Variants in PROKR2 observed in about 807,000 individuals in gnomAD.
PROKR2 encodes the protein prokineticin receptor 2.
In PROKR2, 26 loss-of-function variants were observed where a neutral mutation model predicts 23.4. The ratio of observed to expected loss-of-function variants is 1.11; its 90% CI spans 0.81 to 1.54. The LOEUF (loss-of-function observed/expected upper bound fraction) is 1.54. PROKR2 is among the 40% of genes most tolerant of loss of function. PROKR2 has a pLI of 0.00. For missense variants in PROKR2, 453 were observed against 511.5 expected, an observed-to-expected ratio of 0.89 and a Z score of 1.10; for synonymous variants, 212 against 201.2, an observed-to-expected ratio of 1.05 and a Z score of -0.45.
intron 2 of PROKR2, among the ~76,000 whole-genome samples, chr20:5,309,931 A>G (rs985195228): frequency 1.3e-5 from 2 of 152,252 alleles, no homozygotes; most frequent in African/African-American, 4.8e-5. Context: ...TTGTCATCAA[A>G]TAAATCAGAA....
chr20:5,309,225 G>A (rs533183458), intron 2 of PROKR2, among the ~76,000 whole-genome samples: 3 of 152,298 alleles, frequency 2.0e-5, no homozygotes, highest in East Asian at 3.9e-4. Context: ...GTCTCCTATT[G>A]CTGCTTGTAA....
At position 5,302,324 on chromosome 20, in the gene PROKR2, AG is replaced by A; in HGVS notation, c.870del (p.Phe291SerfsTer16). On this transcript the variant is annotated frameshift_variant, in exon 3 of 3. Coordinates refer to ENST00000678254, the MANE Select transcript of PROKR2 (RefSeq NM_144773.4). LOFTEE classifies it high-confidence loss of function. ...TCACGAACGATGGTGAAACCGTAGA[AG>A]GGTGCCCAGCACAGCACATAGGCCG... Reference protein sequence around the residue: ...ILTAYVLCWAPFYGFTIVRDF... With the variant: ...ILTAYVLCWAXFYGFTIVRDF... 1.2e-6 allele frequency: 2 copies of A among 1,614,250 alleles called. No homozygotes were observed. The highest frequency in any genetic ancestry group is 1.7e-6 in the Non-Finnish European group (2 of 1,180,048).
At position 5,316,135 on chromosome 20, in the gene PROKR2, A is replaced by T. The variant is rs1368617652; in HGVS notation, c.-9+359T>A. 1 of 456,546 alleles carries T rather than the reference A, an allele frequency of 2.2e-6. No homozygotes were observed. Among genetic ancestry groups the T allele is most frequent in the East Asian group, 7.0e-5 (1 of 14,360 alleles). The allele number at this position is 456,546 out of a possible 1,614,324, so 28.3% of individuals were successfully genotyped here. A position where few individuals can be genotyped will look rare whatever the true frequency, so the allele number is the denominator to read the frequency against. On this transcript the variant is annotated intron_variant, in intron 1 of 2. Coordinates refer to ENST00000678254, the MANE Select transcript of PROKR2 (RefSeq NM_144773.4). This position sits in a 1 kb window ranked among gnomAD's most constrained non-coding sequence, Gnocchi z 5.0. ...GTGGGTGGAGGATGCGGTGCGCGGG[A>T]ATTTCCCCACGGACGCTTGCTGTTT...
chr20:5,313,296 C>T (rs963266216), intron 2 of PROKR2, among the ~76,000 whole-genome samples: 38 of 152,206 alleles, frequency 2.5e-4, no homozygotes, highest in Admixed American at 1.3e-4. Context: ...CAAAAGCAAG[C>T]GTGTCCTTTC....
At chr20:5,307,576 C>A (rs565595100) in intron 2 of PROKR2, among the ~76,000 whole-genome samples, 2 of 152,222 alleles carry the variant, frequency 1.3e-5, no homozygotes, top group Non-Finnish European at 2.9e-5. Flanking sequence ...TGCTGCGCAA[C>A]GAATCCTATG....
In PROKR2 at chr20:5,301,972, A is replaced by C; in HGVS notation, c.*68T>G. ...GATGTCATTTCCCATGCAGCCTATG[A>C]ACTTGGTTGATGGTGGGTGATGCTC... On this transcript the variant is annotated 3_prime_UTR_variant, in exon 3 of 3. Coordinates refer to ENST00000678254, the MANE Select transcript of PROKR2 (RefSeq NM_144773.4). 1 of 1,414,502 alleles carries C rather than the reference A, an allele frequency of 7.1e-7. No homozygotes were observed. Among genetic ancestry groups the C allele is most frequent in the Non-Finnish European group, 9.9e-7 (1 of 1,013,800 alleles). 87.6% of individuals were successfully genotyped at this position (1,414,502 alleles called of 1,614,324 possible).
intron 1 of PROKR2, among the ~76,000 whole-genome samples, chr20:5,315,434 C>G (rs916590444): frequency 6.6e-6 from 1 of 152,174 alleles, no homozygotes; most frequent in Non-Finnish European, 1.5e-5. Flanking sequence ...GGGTACAAGG[C>G]TTCACCGAGG....
chr20:5,302,204 CGGTGTT>C lies in PROKR2; in HGVS notation c.985_990del (p.Asn329_Thr330del). The C allele has an allele frequency of 6.2e-7, 1 of 1,614,200 alleles. No individual in the cohort carries two copies. The highest frequency in any genetic ancestry group is 1.1e-5 in the South Asian group (1 of 91,076). On this transcript the variant is annotated inframe_deletion, in exon 3 of 3. Coordinates refer to ENST00000678254, the MANE Select transcript of PROKR2 (RefSeq NM_144773.4). ...TTGTTCTTGACCGTCACGAAGCACACGGTGTTGATCATGCTGTTGCTCATGGCGATG... is the reference window on the plus strand; with the variant it reads ...TTGTTCTTGACCGTCACGAAGCACACGATCATGCTGTTGCTCATGGCGATG...
chr20:5,307,540 A>C (rs1223144205), intron 2 of PROKR2, among the ~76,000 whole-genome samples: 1 of 152,228 alleles, frequency 6.6e-6, no homozygotes, highest in African/African-American at 2.4e-5. Flanking sequence ...TTGTTTAGGA[A>C]GATTGCATTG....
intron 2 of PROKR2, among the ~76,000 whole-genome samples, chr20:5,313,322 A>C (rs1208211399): frequency 1.3e-5 from 2 of 152,250 alleles, no homozygotes; most frequent in Non-Finnish European, 1.5e-5. Flanking sequence ...TTGCACAAAC[A>C]AACCCTGTTA....
At chr20:5,302,819 G>T (rs755830499) in intron 2 of PROKR2, 83 bp from the exon 3 acceptor site, 23 of 1,009,122 alleles carry the variant, frequency 2.3e-5, no homozygotes, top group African/African-American at 4.7e-5. Context: ...ATACACTAAA[G>T]CAGTGGCACA....
At chr20:5,303,905 G>T (rs74813920) in intron 2 of PROKR2, among the ~76,000 whole-genome samples, 1 of 152,152 alleles carries the variant, frequency 6.6e-6, no homozygotes, top group Non-Finnish European at 1.5e-5. Flanking sequence ...AATGGGACAA[G>T]TGTGGGCTCT....
chr20:5,316,372 G>C lies in PROKR2; in HGVS notation c.-9+122C>G. The C allele has an allele frequency of 2.2e-6, 1 of 456,682 alleles. No homozygotes were observed. Among genetic ancestry groups the C allele is most frequent in the African/African-American group, 2.0e-5 (1 of 50,214 alleles). 28.3% of individuals were successfully genotyped at this position (456,682 alleles called of 1,614,324 possible). A position where few individuals can be genotyped will look rare whatever the true frequency, so the allele number is the denominator to read the frequency against. Reference sequence around the variant, plus strand: ...GAGCCAGCCCCGACGCATATCTCGAGAGTGGCGGGAGGCAAAGCAGCCGGA... The same window carrying C: ...GAGCCAGCCCCGACGCATATCTCGACAGTGGCGGGAGGCAAAGCAGCCGGA... On this transcript the variant is annotated intron_variant, in intron 1 of 2. Coordinates refer to ENST00000678254, the MANE Select transcript of PROKR2 (RefSeq NM_144773.4). The surrounding 1 kb of genome is among the most constrained non-coding windows in gnomAD (Gnocchi z 5.0).
rs1241892408 is a variant in PROKR2, at chr20:5,316,601, G to T, written c.-116C>A. ...CGCTCGGTTTTCACCTCGAGGACCC[G>T]GACTTGCACTTGCAGAGCCGCTGCG... On this transcript the variant is annotated 5_prime_UTR_variant, in exon 1 of 3. Transcript: ENST00000678254. This position sits in a 1 kb window ranked among gnomAD's most constrained non-coding sequence, Gnocchi z 5.0. 1.3e-5 allele frequency among the ~76,000 whole-genome samples: 2 copies of T among 152,240 alleles called. No individual in the cohort carries two copies. Among genetic ancestry groups the T allele is most frequent in the Admixed American group, 1.3e-4 (2 of 15,284 alleles).
intron 2 of PROKR2, among the ~76,000 whole-genome samples, chr20:5,310,976 T>G (rs1979421950): frequency 6.6e-6 from 1 of 152,226 alleles, no homozygotes; most frequent in African/African-American, 2.4e-5. Context: ...AATTAAAGAT[T>G]GATATCAGAT....
intron 2 of PROKR2, among the ~76,000 whole-genome samples, chr20:5,309,398 T>C (rs796730480): frequency 2.0e-5 from 3 of 152,306 alleles, no homozygotes; most frequent in African/African-American, 7.2e-5. Context: ...TTTTGTTGCC[T>C]TTTCTAGGGA....
At position 5,302,295 on chromosome 20, in the gene PROKR2, G is replaced by T; in HGVS notation, c.900C>A (p.Phe300Leu). 6.2e-7 allele frequency: 1 copy of T among 1,614,254 alleles called. No homozygotes were observed. The highest frequency in any genetic ancestry group is 1.1e-5 in the South Asian group (1 of 91,086). ...TTTCCTTCACGAACACAGTGGGGAA[G>T]AAGTCACGAACGATGGTGAAACCGT... ...PFYGFTIVRD[F>L]FPTVFVKEKH... The change falls in exon 3 of 3, where the codon TTC becomes TTA. Residue 300 changes from phenylalanine to leucine, a missense_variant. By Grantham distance (22) the Phe-to-Leu change is conservative. Coordinates refer to ENST00000678254, the MANE Select transcript of PROKR2 (RefSeq NM_144773.4).
intron 2 of PROKR2, among the ~76,000 whole-genome samples, chr20:5,305,074 A>T (rs1979167514): frequency 6.6e-6 from 1 of 152,254 alleles, no homozygotes; most frequent in Admixed American, 6.5e-5. Flanking sequence ...AGATAGGGGA[A>T]AAAAGAAAAC....
rs1326162954 is a variant in PROKR2 at position 5,299,577 on chromosome 20, T to C, written c.*2463A>G. On this transcript the variant is annotated 3_prime_UTR_variant, in exon 3 of 3. Transcript: ENST00000678254. Reference sequence around the variant, plus strand: ...CCAAGCAAGTAAGAATTTTTGTAAATCAGAATTAACAGTTTTGCTTAGGCT... The same window carrying C: ...CCAAGCAAGTAAGAATTTTTGTAAACCAGAATTAACAGTTTTGCTTAGGCT... 6.6e-6 allele frequency among the ~76,000 whole-genome samples: 1 copy of C among 151,858 alleles called. No homozygotes were observed. Among genetic ancestry groups the C allele is most frequent in the Non-Finnish European group, 1.5e-5 (1 of 67,970 alleles).
Sources: allele counts gnomAD v4.1 joint callset (sites outside exome capture counted in the v4.1 genomes callset), GRCh38; gene constraint gnomAD v4.1.1; non-coding constraint Gnocchi (gnomAD v3.1); transcripts MANE v1.5; gene names NCBI Gene and HGNC (gene_info 2026-07-23, HGNC 2026-07-21).